ROR1: variants seen among roughly 807,000 people sequenced by gnomAD.
ROR1 encodes the protein ROR family WNT receptor 1, also known as inactive tyrosine-protein kinase transmembrane receptor ROR1.
In ROR1, 19 loss-of-function variants were observed where a neutral mutation model predicts 78.8. That is an observed-to-expected ratio of 0.24 (90% CI 0.17 to 0.35). The LOEUF (loss-of-function observed/expected upper bound fraction) is 0.35. ROR1 is among the 10% of genes least tolerant of loss of function. The pLI is 1.00. For missense variants in ROR1, 917 were observed against 1,177.8 expected, an observed-to-expected ratio of 0.78 and a Z score of 3.24; for synonymous variants, 386 against 433.6, an observed-to-expected ratio of 0.89 and a Z score of 1.36.
intron 2 of ROR1, among the ~76,000 whole-genome samples, chr1:64,036,229 C>T (rs572871497): frequency 6.6e-6 from 1 of 152,192 alleles, no homozygotes; most frequent in African/African-American, 2.4e-5. Flanking sequence ...TCTTTCTAGG[C>T]TGGCTCCCTA....
intron 2 of ROR1, among the ~76,000 whole-genome samples, chr1:64,024,960 T>G (rs1646596397): frequency 6.6e-6 from 1 of 152,228 alleles, no homozygotes; most frequent in Non-Finnish European, 1.5e-5. Flanking sequence ...AATCTGCATT[T>G]TTTCTAGTTT....
chr1:63,903,709 T>C (rs1025544521), intron 1 of ROR1, among the ~76,000 whole-genome samples: 2 of 151,918 alleles, frequency 1.3e-5, no homozygotes, highest in African/African-American at 4.8e-5. Context: ...TATAGCTATA[T>C]AAGCATATAT....
chr1:64,067,799 G>A (rs1338147092), intron 4 of ROR1, among the ~76,000 whole-genome samples: 2 of 142,684 alleles, frequency 1.4e-5, no homozygotes, highest in Admixed American at 7.5e-5. Context: ...TGCAAGCTCC[G>A]CCTCCCGGGT....
At chr1:64,150,582 T>C (rs1320454965) in intron 7 of ROR1, among the ~76,000 whole-genome samples, 1 of 152,230 alleles carries the variant, frequency 6.6e-6, no homozygotes, top group African/African-American at 2.4e-5. Flanking sequence ...CAATTTGTCT[T>C]TCAGCCATTT....
At chr1:64,070,201 A>G (rs923546856) in intron 4 of ROR1, among the ~76,000 whole-genome samples, 2 of 152,190 alleles carry the variant, frequency 1.3e-5, no homozygotes, top group African/African-American at 4.8e-5. Flanking sequence ...TTCAAGGTTC[A>G]TCCATGTTGT....
rs553391468 is a variant in ROR1 at position 63,993,223 on chromosome 1, C to G, written c.92-16082C>G. ...GATGTTCATTTCTGTTGCCCTCCTA[C>G]TCGCTCTTATGAGGTGCTCTTTCTA... On this transcript the variant is annotated intron_variant, in intron 1 of 8. Transcript: ENST00000371079. 1.4e-4 allele frequency among the ~76,000 whole-genome samples: 22 copies of G among 152,316 alleles called. No individual in the cohort carries two copies. The East Asian group carries it at 2.7e-3, about 19-fold the overall frequency.
chr1:63,799,935 T>C (rs551595597), intron 1 of ROR1, among the ~76,000 whole-genome samples: 2 of 152,344 alleles, frequency 1.3e-5, no homozygotes, highest in African/African-American at 2.4e-5. Flanking sequence ...ATGGATCATT[T>C]AGAAAATATG....
At chr1:63,825,989 G>C (rs899243631) in intron 1 of ROR1, among the ~76,000 whole-genome samples, 1 of 152,104 alleles carries the variant, frequency 6.6e-6, no homozygotes, top group Non-Finnish European at 1.5e-5. Flanking sequence ...GGAAATACTG[G>C]GTTCCAGGGA....
rs200663795 is a variant in ROR1, at chr1:64,051,459, AAAT to A, written c.482+746_482+748del. Among the ~76,000 whole-genome samples, 82 of 20,810 alleles carry A rather than the reference AAAT, an allele frequency of 3.9e-3. 1 individual carries two copies. The East Asian group carries it at 0.061, about 16-fold the overall frequency. 13.7% of individuals were successfully genotyped at this position (20,810 alleles called of 152,430 possible). A position where few individuals can be genotyped will look rare whatever the true frequency, so the allele number is the denominator to read the frequency against. ...AGTGAGACTCCGTCTCAAAAATAAA[AAAT>A]AAAATAAAATAAAATAAAATAAAAT... is the stretch of plus-strand genomic sequence containing the variant. On this transcript the variant is annotated intron_variant, in intron 4 of 8. Coordinates refer to ENST00000371079, the MANE Select transcript of ROR1 (RefSeq NM_005012.4).
chr1:63,988,769 TATC>T (rs1460552748), intron 1 of ROR1, among the ~76,000 whole-genome samples: 4 of 152,370 alleles, frequency 2.6e-5, no homozygotes, highest in African/African-American at 9.6e-5. Context: ...CTATTTCAGT[TATC>T]ATAATTGTCA....
intron 4 of ROR1, among the ~76,000 whole-genome samples, chr1:64,100,373 A>C (rs1360729479): frequency 6.6e-6 from 1 of 152,028 alleles, no homozygotes; most frequent in Non-Finnish European, 1.5e-5. Context: ...ATATAGTCCC[A>C]GCTACTCAGG....
chr1:63,831,590 G>C (rs1644989231), intron 1 of ROR1, among the ~76,000 whole-genome samples: 1 of 152,174 alleles, frequency 6.6e-6, no homozygotes, highest in Admixed American at 6.5e-5. Flanking sequence ...GGGAGTGCAG[G>C]AGGGACCCCT....
At chr1:64,071,552 TC>T (rs1430007984) in intron 4 of ROR1, among the ~76,000 whole-genome samples, 1 of 151,376 alleles carries the variant, frequency 6.6e-6, no homozygotes, top group Non-Finnish European at 1.5e-5. Context: ...CCCGTTCTGG[TC>T]CACTCCCCCC....
intron 1 of ROR1, among the ~76,000 whole-genome samples, chr1:63,947,130 G>T (rs970528213): frequency 6.6e-6 from 1 of 152,168 alleles, no homozygotes; most frequent in Non-Finnish European, 1.5e-5. Flanking sequence ...GGTGATTGGC[G>T]TCCTGAGTAA....
chr1:63,863,234 G>A (rs1216307662), intron 1 of ROR1, among the ~76,000 whole-genome samples: 1 of 152,230 alleles, frequency 6.6e-6, no homozygotes, highest in Admixed American at 6.5e-5. Flanking sequence ...TATCACTTTA[G>A]TTCTTTTCAG....
Position 64,177,744 on chromosome 1 carries a change from C to G in ROR1, c.1703C>G (p.Ser568Cys), listed in dbSNP as rs1160505467. ...GDLHEFLIMR[S>C]PHSDVGCSSD... is the part of the protein sequence containing the mutation. ...CTCCATGAGTTCCTCATCATGAGAT[C>G]CCCACACTCTGATGTTGGCTGCAGC... is the stretch of plus-strand genomic sequence containing the variant. The change falls in exon 9 of 9, where the codon TCC (serine) becomes TGC (cysteine). Residue 568 changes from serine to cysteine, a missense_variant. Ser to Cys is a moderately radical substitution (Grantham distance 112, BLOSUM62 -1). Transcript: ENST00000371079. 2 of 1,614,136 alleles carry G rather than the reference C, an allele frequency of 1.2e-6. No individual in the cohort carries two copies. The highest frequency in any genetic ancestry group is 1.7e-6 in the Non-Finnish European group (2 of 1,180,004).
chr1:63,791,618 T>C (rs1644727437), intron 1 of ROR1, among the ~76,000 whole-genome samples: 1 of 152,094 alleles, frequency 6.6e-6, no homozygotes, highest in Non-Finnish European at 1.5e-5. Flanking sequence ...CCATGCCTCA[T>C]TGCTAATCGA....
intron 1 of ROR1, among the ~76,000 whole-genome samples, chr1:64,005,484 G>A (rs1557604884): frequency 6.6e-6 from 1 of 152,200 alleles, no homozygotes; most frequent in Non-Finnish European, 1.5e-5. Flanking sequence ...GGTGAAGAGA[G>A]GCTGCCAGGC....
chr1:63,942,361 C>T (rs991132785), intron 1 of ROR1, among the ~76,000 whole-genome samples: 3 of 152,120 alleles, frequency 2.0e-5, no homozygotes, highest in Non-Finnish European at 2.9e-5. Flanking sequence ...TGAACATTTC[C>T]TTGTGTATAA....
Sources: allele counts gnomAD v4.1 joint callset (sites outside exome capture counted in the v4.1 genomes callset), GRCh38; gene constraint gnomAD v4.1.1; transcripts MANE v1.5; gene names NCBI Gene and HGNC (gene_info 2026-07-23, HGNC 2026-07-21).